PID1: variants seen among roughly 807,000 people sequenced by gnomAD.
PID1 encodes PTB-containing, cubilin and LRP1-interacting protein.
In PID1, 10 loss-of-function variants were observed where a neutral mutation model predicts 19.1. That is an observed-to-expected ratio of 0.52 (90% CI 0.32 to 0.89). The LOEUF (loss-of-function observed/expected upper bound fraction) is 0.89, where lower values mean the gene tolerates loss of function less well. PID1 is among the 40% of genes least tolerant of loss of function. The pLI is 0.03. For synonymous variants in PID1, 130 were observed against 116.0 expected, an observed-to-expected ratio of 1.12 and a Z score of -0.78; for missense variants, 248 against 285.3, an observed-to-expected ratio of 0.87 and a Z score of 0.94.
chr2:229,223,607 G>T (rs1425039288), intron 1 of PID1, among the ~76,000 whole-genome samples: 3 of 152,222 alleles, frequency 2.0e-5, no homozygotes, highest in African/African-American at 7.2e-5. Flanking sequence ...TAAGAGCACA[G>T]GGTGGTTAGC....
chr2:229,262,562 T>C (rs937383933), intron 1 of PID1: 2 of 1,411,554 alleles, frequency 1.4e-6, no homozygotes, highest in Non-Finnish European at 9.3e-7. Context: ...ATCACAGAAG[T>C]AGAGTGACCA....
intron 1 of PID1, among the ~76,000 whole-genome samples, chr2:229,223,904 C>T (rs1056570875): frequency 1.3e-5 from 2 of 152,148 alleles, no homozygotes; most frequent in Non-Finnish European, 2.9e-5. Context: ...AGTACCCAAT[C>T]GGTACTTTTT....
At chr2:229,124,962 C>G (rs77473012) in intron 2 of PID1, among the ~76,000 whole-genome samples, 3,705 of 152,260 alleles carry the variant, frequency 0.024, 167 homozygotes, top group African/African-American at 0.085. Context: ...CATATTTGAA[C>G]TTAAGGCTAA....
chr2:229,204,257 G>A (rs923010983), intron 1 of PID1, among the ~76,000 whole-genome samples: 33 of 152,024 alleles, frequency 2.2e-4, no homozygotes, highest in African/African-American at 7.7e-4. Flanking sequence ...CAAGAAATGA[G>A]AGTGACTTTT....
At chr2:229,209,486 G>T (rs1044829713) in intron 1 of PID1, among the ~76,000 whole-genome samples, 1 of 152,164 alleles carries the variant, frequency 6.6e-6, no homozygotes, top group Non-Finnish European at 1.5e-5. Flanking sequence ...TGCCAACTAG[G>T]TGCAGTCAAT....
intron 2 of PID1, among the ~76,000 whole-genome samples, chr2:229,077,448 A>T (rs1375399078): frequency 6.6e-6 from 1 of 152,168 alleles, no homozygotes; most frequent in Non-Finnish European, 1.5e-5. Context: ...TTTAGTCATG[A>T]AGTCTTTGCC....
intron 1 of PID1, among the ~76,000 whole-genome samples, chr2:229,256,994 C>T (rs1414494870): frequency 6.6e-6 from 1 of 152,150 alleles, no homozygotes; most frequent in Non-Finnish European, 1.5e-5. Flanking sequence ...ATGGTCTTTC[C>T]ACTGTTTAAC....
intron 2 of PID1, among the ~76,000 whole-genome samples, chr2:229,069,479 C>T (rs1694408597): frequency 6.6e-6 from 1 of 152,126 alleles, no homozygotes; most frequent in South Asian, 2.1e-4. Context: ...TCCTACCACA[C>T]TGCAAGGACC....
chr2:229,078,207 T>C (rs925978778), intron 2 of PID1, among the ~76,000 whole-genome samples: 10 of 152,202 alleles, frequency 6.6e-5, no homozygotes, highest in Non-Finnish European at 1.2e-4. Flanking sequence ...CTGTCTTTTA[T>C]TGGTGTATAG....
chr2:229,143,208 AG>A (rs1452587815), intron 2 of PID1, among the ~76,000 whole-genome samples: 2 of 102,314 alleles, frequency 2.0e-5, no homozygotes, highest in Admixed American at 1.1e-4. Context: ...GGGTAGGGGG[AG>A]GGGGGAGGGA....
chr2:229,271,118 C>G lies in PID1; in HGVS notation c.-75G>C, dbSNP rs1042523875. 6 of 1,487,332 alleles carry G rather than the reference C, an allele frequency of 4.0e-6. No homozygotes were observed. The African/African-American group carries it at 5.6e-5, about 14-fold the overall frequency. 92.1% of individuals were successfully genotyped at this position (1,487,332 alleles called of 1,614,324 possible). On this transcript the variant is annotated 5_prime_UTR_variant, in exon 1 of 3. Coordinates refer to ENST00000392055, the MANE Select transcript of PID1 (RefSeq NM_001100818.2). ...GCGCCGGGGGGCGAGGGGCTGGGGT[C>G]CCGCTTTACATCTGGGGTCGGTGTC...
chr2:229,235,042 C>G (rs1298135065), intron 1 of PID1, among the ~76,000 whole-genome samples: 1 of 152,152 alleles, frequency 6.6e-6, no homozygotes, highest in Non-Finnish European at 1.5e-5. Flanking sequence ...TGATCAACAG[C>G]TTTTTGTCCC....
intron 1 of PID1, among the ~76,000 whole-genome samples, chr2:229,260,323 G>C (rs1318485377): frequency 6.6e-6 from 1 of 151,970 alleles, no homozygotes; most frequent in Non-Finnish European, 1.5e-5. Context: ...AAGAGGGAAT[G>C]GGGGAATGAG....
intron 1 of PID1, chr2:229,228,047 G>A (rs1692119876): frequency 2.2e-6 from 1 of 455,804 alleles, no homozygotes; most frequent in Non-Finnish European, 4.4e-6. Context: ...ATTGTGACTG[G>A]AGTTGCAGCA....
At chr2:229,029,952 T>C (rs116833971) in intron 2 of PID1, among the ~76,000 whole-genome samples, 1,783 of 152,134 alleles carry the variant, frequency 0.012, 30 homozygotes, top group African/African-American at 0.041. Flanking sequence ...ATTGTACACA[T>C]GTTTATAGCA....
chr2:229,152,845 C>A (rs754958795), intron 2 of PID1, among the ~76,000 whole-genome samples: 3 of 152,080 alleles, frequency 2.0e-5, no homozygotes, highest in Admixed American at 6.6e-5. Flanking sequence ...CTCCCCCTTT[C>A]CTTTGCTTCC....
chr2:229,044,356 TC>T (rs1257606437), intron 2 of PID1, among the ~76,000 whole-genome samples: 2 of 151,894 alleles, frequency 1.3e-5, no homozygotes, highest in African/African-American at 4.8e-5. Context: ...CTGAGTTAGC[TC>T]CTCTCTGCCC....
intron 2 of PID1, among the ~76,000 whole-genome samples, chr2:229,080,680 T>C (rs930668992): frequency 6.6e-6 from 1 of 152,192 alleles, no homozygotes; most frequent in Non-Finnish European, 1.5e-5. Context: ...CTTTCAGCCA[T>C]TAGCACGGTG....
intron 1 of PID1, among the ~76,000 whole-genome samples, chr2:229,199,464 G>T (rs1200721335): frequency 6.6e-6 from 1 of 151,972 alleles, no homozygotes; most frequent in Non-Finnish European, 1.5e-5. Flanking sequence ...AGTACCTAGA[G>T]CAGTATCTGG....
Sources: allele counts gnomAD v4.1 joint callset (sites outside exome capture counted in the v4.1 genomes callset), GRCh38; gene constraint gnomAD v4.1.1; transcripts MANE v1.5; gene names NCBI Gene and HGNC (gene_info 2026-07-23, HGNC 2026-07-21).